The following ARHGAP24 variants were observed in gnomAD, a reference collection of about 807,000 sequenced individuals.
ARHGAP24 encodes the protein rho GTPase-activating protein 24.
Under a neutral mutation model 76.4 loss-of-function variants are expected in ARHGAP24, and 50 were observed. The observed-to-expected ratio is 0.65, with a 90% CI of 0.52 to 0.83. The LOEUF (loss-of-function observed/expected upper bound fraction) is 0.83, where lower values mean the gene tolerates loss of function less well. Ranked by LOEUF, ARHGAP24 falls within the 40% of genes least tolerant of loss-of-function variation. The pLI is 0.00. For missense variants in ARHGAP24, 930 were observed against 914.2 expected (o/e 1.02, Z -0.22); for synonymous variants, 345 against 323.3 (o/e 1.07, Z -0.72).
chr4:85,839,596 A>G (rs1393522934), intron 3 of ARHGAP24, among the ~76,000 whole-genome samples: 1 of 146,932 alleles, frequency 6.8e-6, no homozygotes, highest in Admixed American at 6.8e-5. Flanking sequence ...GACTACAGGC[A>G]CGTGCCACCA....
chr4:85,875,644 T>G (rs1360412117), intron 3 of ARHGAP24, among the ~76,000 whole-genome samples: 1 of 126,538 alleles, frequency 7.9e-6, no homozygotes, highest in Non-Finnish European at 1.6e-5. Context: ...TAAATATATA[T>G]TTATATTATA....
At chr4:85,548,328 A>C (rs1725997013) in intron 1 of ARHGAP24, among the ~76,000 whole-genome samples, 5 of 152,210 alleles carry the variant, frequency 3.3e-5, no homozygotes, top group Admixed American at 3.3e-4. Flanking sequence ...ACTCGTTGCT[A>C]CTGATATGTT....
chr4:85,622,712 A>G (rs1337984326), intron 2 of ARHGAP24, among the ~76,000 whole-genome samples: 1 of 152,218 alleles, frequency 6.6e-6, no homozygotes, highest in Admixed American at 6.5e-5. Flanking sequence ...CAGTCCCAAC[A>G]ACAGTGTAAA....
At chr4:85,904,259 C>A (rs1462768648) in intron 3 of ARHGAP24, among the ~76,000 whole-genome samples, 9 of 151,964 alleles carry the variant, frequency 5.9e-5, no homozygotes, top group Admixed American at 5.9e-4. Flanking sequence ...AGAAAGTGAA[C>A]CAGGAGCAGG....
chr4:85,684,348 T>A (rs2110012864), intron 2 of ARHGAP24, among the ~76,000 whole-genome samples: 1 of 152,318 alleles, frequency 6.6e-6, no homozygotes, highest in East Asian at 1.9e-4. Context: ...TGATTTCTAT[T>A]TCTCTGATGA....
chr4:85,670,460 C>T (rs1722782539), intron 2 of ARHGAP24, among the ~76,000 whole-genome samples: 1 of 152,176 alleles, frequency 6.6e-6, no homozygotes, highest in Non-Finnish European at 1.5e-5. Flanking sequence ...TTAATACGTT[C>T]TCAATCTCCT....
At chr4:85,929,184 G>C (rs1193909597) in intron 4 of ARHGAP24, among the ~76,000 whole-genome samples, 1 of 152,158 alleles carries the variant, frequency 6.6e-6, no homozygotes, top group Non-Finnish European at 1.5e-5. Flanking sequence ...CTGTCTTCGT[G>C]GTGCTGAGTT....
At chr4:85,512,438 A>G (rs755669591) in intron 1 of ARHGAP24, among the ~76,000 whole-genome samples, 6 of 152,252 alleles carry the variant, frequency 3.9e-5, no homozygotes, top group Non-Finnish European at 7.3e-5. Flanking sequence ...CACATTAGAT[A>G]TTAAATTTCA....
chr4:85,757,836 G>A (rs1578202145), intron 3 of ARHGAP24, among the ~76,000 whole-genome samples: 1 of 152,194 alleles, frequency 6.6e-6, no homozygotes, highest in South Asian at 2.1e-4. Flanking sequence ...CCCACCAACA[G>A]TGTAAAAGTG....
chr4:85,761,987 T>C (rs1382150526), intron 3 of ARHGAP24, among the ~76,000 whole-genome samples: 1 of 152,204 alleles, frequency 6.6e-6, no homozygotes, highest in Non-Finnish European at 1.5e-5. Context: ...CCTGTTTATG[T>C]CTCGCAGCCT....
chr4:85,888,620 T>A (rs183118186), intron 3 of ARHGAP24, among the ~76,000 whole-genome samples: 500 of 152,020 alleles, frequency 3.3e-3, no homozygotes, highest in Admixed American at 6.8e-3. Context: ...TTCTTTTTTT[T>A]AAAAAAAACT....
At chr4:85,975,644 T>C (rs909371451) in intron 7 of ARHGAP24, 2 of 152,218 alleles carry the variant, frequency 1.3e-5, no homozygotes, top group Admixed American at 1.3e-4. Flanking sequence ...AAACCAAATA[T>C]GCAAAATTGA....
chr4:85,499,243 TC>T (rs1723703177), intron 1 of ARHGAP24, among the ~76,000 whole-genome samples: 1 of 152,216 alleles, frequency 6.6e-6, no homozygotes, highest in Admixed American at 6.5e-5. Flanking sequence ...TGTATGACCT[TC>T]TAAGTGACTG....
chr4:85,694,573 A>C (rs1048345360), intron 2 of ARHGAP24, among the ~76,000 whole-genome samples: 3 of 152,174 alleles, frequency 2.0e-5, no homozygotes, highest in African/African-American at 7.2e-5. Context: ...AATGACTAGA[A>C]AATGTTTCTA....
intron 3 of ARHGAP24, among the ~76,000 whole-genome samples, chr4:85,852,891 C>T (rs988376661): frequency 6.6e-6 from 1 of 152,212 alleles, no homozygotes; most frequent in African/African-American, 2.4e-5. Flanking sequence ...CAGTCAGCCC[C>T]CACTGGGAGG....
intron 2 of ARHGAP24, among the ~76,000 whole-genome samples, chr4:85,649,249 A>G (rs533636773): frequency 5.6e-4 from 85 of 152,234 alleles, no homozygotes; most frequent in African/African-American, 2.0e-3. Context: ...GCGATTCTCT[A>G]TTCTTGACTG....
chr4:85,730,543 G>A (rs1476487308), intron 3 of ARHGAP24, among the ~76,000 whole-genome samples: 1 of 151,960 alleles, frequency 6.6e-6, no homozygotes, highest in African/African-American at 2.4e-5. Context: ...AGTAGTAGCT[G>A]GAACCACAAG....
intron 3 of ARHGAP24, among the ~76,000 whole-genome samples, chr4:85,783,570 T>G (rs942516328): frequency 6.6e-6 from 1 of 152,006 alleles, no homozygotes; most frequent in Admixed American, 6.6e-5. Flanking sequence ...TAGCCAGAAG[T>G]AATGACTGAG....
chr4:85,926,634 T>A (rs1389633949), intron 4 of ARHGAP24, among the ~76,000 whole-genome samples: 2 of 152,208 alleles, frequency 1.3e-5, no homozygotes, highest in East Asian at 3.8e-4. Context: ...TTTTAAACAA[T>A]AAAGTTATAT....
Sources: gnomAD v4.1 joint callset for allele counts (sites outside exome capture counted in the v4.1 genomes callset) on GRCh38, gnomAD v4.1.1 for gene constraint, MANE v1.5 for transcripts, NCBI Gene and HGNC (gene_info 2026-07-23, HGNC 2026-07-21) for gene names.